Variants in SLC2A2 observed in about 807,000 individuals in gnomAD.
SLC2A2 encodes solute carrier family 2 member 2.
In SLC2A2, 36 loss-of-function variants were observed where a neutral mutation model predicts 54.5. The observed-to-expected ratio is 0.66, with a 90% confidence interval of 0.51 to 0.87. The LOEUF is 0.87. Among genes scored for constraint, SLC2A2 ranks in the 40% least tolerant of loss-of-function variants. SLC2A2 has a pLI of 0.00. For synonymous variants in SLC2A2, 223 were observed against 219.1 expected (o/e 1.02, Z -0.16); for missense variants, 543 against 624.3 (o/e 0.87, Z 1.39).
chr3:171,005,826 A>G (rs993585533), intron 6 of SLC2A2, 117 bp downstream of exon 6: 24 of 1,050,460 alleles, frequency 2.3e-5, no homozygotes, highest in African/African-American at 1.9e-4. Flanking sequence ...GTCATATAAA[A>G]GCGATTTTGC....
At chr3:171,015,429 G>A (rs1261098774) in intron 2 of SLC2A2, among the ~76,000 whole-genome samples, 1 of 152,122 alleles carries the variant, frequency 6.6e-6, no homozygotes, top group Non-Finnish European at 1.5e-5. Flanking sequence ...TCAAGATGGA[G>A]CCACTGCACT....
intron 3 of SLC2A2, among the ~76,000 whole-genome samples, chr3:171,012,020 G>C (rs184237364): frequency 1.3e-5 from 2 of 152,228 alleles, no homozygotes; most frequent in Non-Finnish European, 2.9e-5. Context: ...GGAAAAAGAA[G>C]CTTAATTCTA....
At chr3:171,011,763 C>A (rs61791107) in intron 3 of SLC2A2, among the ~76,000 whole-genome samples, 31,677 of 151,902 alleles carry the variant, frequency 0.21, 4,517 homozygotes, top group African/African-American at 0.41. Context: ...AGAGGGCAGG[C>A]AAATTCAATA....
intron 1 of SLC2A2, among the ~76,000 whole-genome samples, chr3:171,023,770 C>T (rs1166547758): frequency 1.3e-5 from 2 of 152,136 alleles, no homozygotes; most frequent in Non-Finnish European, 1.5e-5. Context: ...AACAGCTTGT[C>T]CAAAGTCCAC....
intron 3 of SLC2A2, among the ~76,000 whole-genome samples, chr3:171,012,754 T>G (rs1715953324): frequency 6.6e-6 from 1 of 152,148 alleles, no homozygotes; most frequent in Non-Finnish European, 1.5e-5. Context: ...GATAACTTTG[T>G]CTTAATTTTG....
In SLC2A2 at chr3:171,018,573, G is replaced by T. The variant is rs369781481; in HGVS notation, c.66C>A (p.Phe22Leu). The stretch of plus-strand genomic sequence containing the variant: ...TCACACCAATGTCATATCCAAACTG[G>T]AAGGAACCCAGCACAGCAGTGATGA... ...FTVITAVLGS[F>L]QFGYDIGVIN... Residue 22 changes from phenylalanine (F) to leucine (L), a missense_variant, in exon 2 of 11, where the codon TTC becomes TTA. Around this residue, in one of 3 missense-constraint regions of SLC2A2, gnomAD observed 318 missense variants for 343.8 expected, o/e 0.93. Transcript: ENST00000314251. 4 of 1,613,896 alleles carry T rather than the reference G, an allele frequency of 2.5e-6. No homozygotes were observed. In the African/African-American group the frequency reaches 5.3e-5, roughly 22 times the overall value.
intron 1 of SLC2A2, among the ~76,000 whole-genome samples, chr3:171,022,749 A>G (rs1190964136): frequency 2.6e-5 from 4 of 152,126 alleles, no homozygotes; most frequent in Non-Finnish European, 5.9e-5. Context: ...TAAGAGTCCA[A>G]TCAGTAGCCA....
chr3:171,008,623 C>T (rs978759403), intron 4 of SLC2A2, among the ~76,000 whole-genome samples: 24 of 151,734 alleles, frequency 1.6e-4, no homozygotes, highest in African/African-American at 5.6e-4. Flanking sequence ...TCAATTTTAC[C>T]AAAAACATTT....
At chr3:171,023,527 AAC>A (rs1241299860) in intron 1 of SLC2A2, among the ~76,000 whole-genome samples, 1 of 152,148 alleles carries the variant, frequency 6.6e-6, no homozygotes, top group East Asian at 1.9e-4. Context: ...GAAATTTCTG[AAC>A]ACGACCAAGT....
chr3:171,007,931 G>A (rs1715687523), intron 4 of SLC2A2, among the ~76,000 whole-genome samples: 1 of 151,962 alleles, frequency 6.6e-6, no homozygotes, highest in African/African-American at 2.4e-5. Flanking sequence ...AAAGACTTTT[G>A]GTACTTAAAC....
In SLC2A2 at chr3:170,996,795, C is replaced by T; in HGVS notation, c.*1108G>A. The T allele has an allele frequency of 2.5e-6, 1 of 394,954 alleles. No individual in the cohort carries two copies. Among genetic ancestry groups the T allele is most frequent in the Non-Finnish European group, 4.5e-6 (1 of 223,882 alleles). The allele number at this position is 394,954 out of a possible 1,614,324, so 24.5% of individuals were successfully genotyped here. On this transcript the variant is annotated 3_prime_UTR_variant, in exon 11 of 11. Coordinates refer to ENST00000314251, the MANE Select transcript of SLC2A2 (RefSeq NM_000340.2). ...AGACGATTATTTTATGTTAGGAACACACCATAAAACAATCAGTCTTTCCAG... is the reference window on the plus strand; with the variant it reads ...AGACGATTATTTTATGTTAGGAACATACCATAAAACAATCAGTCTTTCCAG...
At chr3:171,001,880 A>G (rs1715351008) in intron 8 of SLC2A2, among the ~76,000 whole-genome samples, 1 of 138,438 alleles carries the variant, frequency 7.2e-6, no homozygotes, top group South Asian at 2.3e-4. Flanking sequence ...AAGAACCATC[A>G]CTTCTTATAT....
intron 1 of SLC2A2, among the ~76,000 whole-genome samples, chr3:171,019,101 ATATATATATATATATATATATACGTATG>A (rs755932041): frequency 0.52 from 31,280 of 60,684 alleles, 4,280 homozygotes; most frequent in South Asian, 0.55. Flanking sequence ...GTGTGTGTAT[ATATATATATATATATATATATACGTATG>A]TATATATATA....
rs956127136 is a variant in SLC2A2 at position 171,018,718 on chromosome 3, C to A, written c.16-95G>T. The A allele has an allele frequency of 6.1e-6, 5 of 817,296 alleles. No individual in the cohort carries two copies. In the African/African-American group the frequency reaches 8.4e-5, roughly 14 times the overall value. 50.6% of individuals were successfully genotyped at this position (817,296 alleles called of 1,614,324 possible). A position where few individuals can be genotyped will look rare whatever the true frequency, so the allele number is the denominator to read the frequency against. ...CAGCTTAAACTTCTTACAGGCTCCA[C>A]AGGCTGGTTCTTTCCCCTCAATATC... On this transcript the variant is annotated intron_variant, in intron 1 of 10. Transcript: ENST00000314251.
intron 4 of SLC2A2, 79 bp from the exon 5 acceptor site, chr3:171,007,342 A>G: frequency 1.2e-6 from 1 of 822,836 alleles, no homozygotes; most frequent in Non-Finnish European, 2.1e-6. Flanking sequence ...AGTACAGTAT[A>G]TATCTTGAAT....
At chr3:171,009,845 C>A in intron 4 of SLC2A2, 113 bp downstream of exon 4, 1 of 1,443,386 alleles carries the variant, frequency 6.9e-7, no homozygotes, top group Non-Finnish European at 9.3e-7. Flanking sequence ...TGTGATGTCA[C>A]CCTAGACTCA....
At chr3:171,005,038 C>G (rs1254663232) in intron 7 of SLC2A2, among the ~76,000 whole-genome samples, 1 of 141,958 alleles carries the variant, frequency 7.0e-6, no homozygotes, top group Non-Finnish European at 1.5e-5. Context: ...AAGATTTTTG[C>G]TTTTTGCCTT....
At position 170,997,161 on chromosome 3, in the gene SLC2A2, T is replaced by G. The variant is rs1715114898; in HGVS notation, c.*742A>C. ...AACATGGTTTTATAATAGATGTTAATGTTAACTGATAACCCACGCTATATG... is the reference window on the plus strand; with the variant it reads ...AACATGGTTTTATAATAGATGTTAAGGTTAACTGATAACCCACGCTATATG... On this transcript the variant is annotated 3_prime_UTR_variant, in exon 11 of 11. Coordinates refer to ENST00000314251, the MANE Select transcript of SLC2A2 (RefSeq NM_000340.2). The G allele has an allele frequency of 4.6e-5, 7 of 152,344 alleles. No homozygotes were observed. Among genetic ancestry groups the G allele is most frequent in the Admixed American group, 4.6e-4 (7 of 15,258 alleles). The allele number at this position is 152,344 out of a possible 1,614,324, so 9.4% of individuals were successfully genotyped here. A position where few individuals can be genotyped will look rare whatever the true frequency, so the allele number is the denominator to read the frequency against.
intron 3 of SLC2A2, among the ~76,000 whole-genome samples, chr3:171,012,279 C>T (rs915790652): frequency 6.6e-6 from 1 of 152,144 alleles, no homozygotes; most frequent in Non-Finnish European, 1.5e-5. Flanking sequence ...GGGAGGAAAA[C>T]GTCTTAGAGA....
Sources: allele counts gnomAD v4.1 joint callset (sites outside exome capture counted in the v4.1 genomes callset), GRCh38; gene constraint gnomAD v4.1.1; regional missense constraint gnomAD v4.1.1; transcripts MANE v1.5; gene names NCBI Gene and HGNC (gene_info 2026-07-23, HGNC 2026-07-21).